LPCAT3: variants seen among roughly 807,000 people sequenced by gnomAD.
LPCAT3 encodes the protein lysophosphatidylcholine acyltransferase 3.
Under a neutral mutation model 63.4 loss-of-function variants are expected in LPCAT3, and 21 were observed. The observed-to-expected ratio is 0.33, with a 90% CI of 0.23 to 0.48. The LOEUF is 0.48. LPCAT3 is among the 20% of genes least tolerant of loss of function. The pLI is 0.99. For synonymous variants in LPCAT3, 242 were observed against 227.5 expected (o/e 1.06, Z -0.58); for missense variants, 451 against 590.6 (o/e 0.76, Z 2.45).
intron 1 of LPCAT3, among the ~76,000 whole-genome samples, chr12:6,995,458 A>G (rs1946628413): frequency 6.6e-6 from 1 of 150,412 alleles, no homozygotes; most frequent in Non-Finnish European, 1.5e-5. Context: ...TGGGCAACAG[A>G]GCCAGACTCC....
chr12:6,977,689 G>A lies in LPCAT3; in HGVS notation c.1097C>T (p.Ser366Leu), dbSNP rs781872400. 5 of 1,614,228 alleles carry A rather than the reference G, an allele frequency of 3.1e-6. No individual in the cohort carries two copies. The African/African-American group carries it at 5.3e-5, about 17-fold the overall frequency. Reference protein sequence around the residue: ...LGNKELSQGLSLLFLALWHGL... With the variant: ...LGNKELSQGLLLLFLALWHGL... Reference sequence around the variant, plus strand: ...GTGCCAGAGGGCCAGGAATAGCAACGAGAGACCCTGAGAGAGTTCTTTATT... The same window carrying A: ...GTGCCAGAGGGCCAGGAATAGCAACAAGAGACCCTGAGAGAGTTCTTTATT... Residue 366 changes from serine (S) to leucine (L), a missense_variant, in exon 10 of 13, where the codon TCG becomes TTG. This residue lies in a region of LPCAT3 where 304 missense variants were observed against 390.8 expected (regional missense o/e 0.78). Transcript: ENST00000261407. The surrounding 1 kb of genome is among the most constrained non-coding windows in gnomAD (Gnocchi z 4.5).
chr12:7,004,985 T>C (rs781972797), intron 1 of LPCAT3, among the ~76,000 whole-genome samples: 79 of 152,320 alleles, frequency 5.2e-4, no homozygotes, highest in African/African-American at 1.9e-3. Context: ...TGGATTTTAG[T>C]ATATTCAGTG....
chr12:7,002,227 T>A (rs1355725955), intron 1 of LPCAT3, among the ~76,000 whole-genome samples: 1 of 152,208 alleles, frequency 6.6e-6, no homozygotes, highest in Non-Finnish European at 1.5e-5. Flanking sequence ...CTTACCCTTA[T>A]ATACACTTGA....
intron 1 of LPCAT3, among the ~76,000 whole-genome samples, chr12:7,000,052 T>C (rs1555156387): frequency 2.0e-5 from 3 of 151,236 alleles, no homozygotes; most frequent in Non-Finnish European, 4.4e-5. Flanking sequence ...CCCAAGTAGC[T>C]GGGACTACAG....
chr12:6,979,279 G>A (rs782347362), intron 7 of LPCAT3, 192 bp downstream of exon 7: 34 of 596,098 alleles, frequency 5.7e-5, no homozygotes, highest in Non-Finnish European at 7.2e-5. Context: ...CCCTGTGCCC[G>A]CGAAGGTTGT....
intron 1 of LPCAT3, among the ~76,000 whole-genome samples, chr12:6,989,313 GTTTT>G (rs113013257): frequency 7.9e-6 from 1 of 126,458 alleles, no homozygotes; most frequent in Non-Finnish European, 1.7e-5. Flanking sequence ...CAAAATGCGT[GTTTT>G]TTTTTTTTTT....
At chr12:7,011,583 C>T (rs1236182463) in intron 1 of LPCAT3, among the ~76,000 whole-genome samples, 2 of 145,620 alleles carry the variant, frequency 1.4e-5, no homozygotes, top group South Asian at 2.1e-4. Flanking sequence ...GGGAAGCAGA[C>T]GTTGCAGTGA....
chr12:6,979,836 C>A (rs1228491780), intron 6 of LPCAT3: 1 of 480,318 alleles, frequency 2.1e-6, no homozygotes, highest in South Asian at 2.8e-5. Flanking sequence ...TGTGTTTACC[C>A]CTCAGGGATG....
intron 1 of LPCAT3, among the ~76,000 whole-genome samples, chr12:6,993,741 T>C (rs1356208781): frequency 6.6e-6 from 1 of 152,240 alleles, no homozygotes; most frequent in Non-Finnish European, 1.5e-5. Flanking sequence ...GGCTGAATAA[T>C]ATCCCGTTGT....
chr12:6,985,584 G>T (rs781942960), intron 1 of LPCAT3, among the ~76,000 whole-genome samples: 1 of 150,864 alleles, frequency 6.6e-6, no homozygotes, highest in Non-Finnish European at 1.5e-5. Flanking sequence ...GTGTGGTGGC[G>T]GGTGCCTGTA....
intron 1 of LPCAT3, among the ~76,000 whole-genome samples, chr12:6,989,718 C>T (rs1220655697): frequency 2.0e-5 from 3 of 152,182 alleles, no homozygotes; most frequent in African/African-American, 7.2e-5. Context: ...GGACTTCACT[C>T]AGTTCCAAGT....
At chr12:7,000,081 G>A (rs1021350703) in intron 1 of LPCAT3, among the ~76,000 whole-genome samples, 7 of 151,450 alleles carry the variant, frequency 4.6e-5, no homozygotes, top group Non-Finnish European at 8.8e-5. Context: ...CACCATGCCT[G>A]GCTAATTTTT....
chr12:6,990,596 G>A (rs1946579862), intron 1 of LPCAT3, among the ~76,000 whole-genome samples: 1 of 151,338 alleles, frequency 6.6e-6, no homozygotes, highest in Non-Finnish European at 1.5e-5. Context: ...TTGTTAATGT[G>A]GGAACTATAT....
At chr12:6,979,262 G>A in intron 7 of LPCAT3, 4 of 581,390 alleles carry the variant, frequency 6.9e-6, no homozygotes, top group Non-Finnish European at 1.2e-5. Flanking sequence ...ATGTGCACCT[G>A]GCACAGCCCT....
intron 1 of LPCAT3, among the ~76,000 whole-genome samples, chr12:7,013,386 C>CG (rs1445599741): frequency 6.6e-6 from 1 of 152,158 alleles, no homozygotes; most frequent in Non-Finnish European, 1.5e-5. Flanking sequence ...GGCACAGGAT[C>CG]GGATCACTCT....
intron 1 of LPCAT3, among the ~76,000 whole-genome samples, chr12:7,016,299 CAG>C (rs1483548220): frequency 6.8e-6 from 1 of 147,838 alleles, no homozygotes; most frequent in Non-Finnish European, 1.5e-5. Flanking sequence ...TTTTTGGAGA[CAG>C]AGTCTTGCTC....
In LPCAT3 at chr12:6,979,525, G is replaced by A; in HGVS notation, c.732C>T (p.Tyr244=). 6.2e-7 allele frequency: 1 copy of A among 1,614,144 alleles called. No homozygotes were observed. The highest frequency in any genetic ancestry group is 1.1e-5 in the South Asian group (1 of 91,090). The change falls in exon 7 of 13, where the codon TAC becomes TAT. Residue 244 remains tyrosine (Y), a synonymous_variant. Transcript: ENST00000261407. ...CTGTGATGTGGGGGCTGAGCAGTGT[G>A]TAGCCCACTAGGTAGAAAAGGCCCA... ...LSLGLFYLVG[Y]TLLSPHITED... is the part of the protein sequence containing the mutation.
Position 6,978,283 on chromosome 12 carries a change from A to G in LPCAT3, c.1040+58T>C. On this transcript the variant is annotated intron_variant, in intron 9 of 12. Coordinates refer to ENST00000261407, the MANE Select transcript of LPCAT3 (RefSeq NM_005768.6). ...TGACATGGTACACCCCTGCCCTCCA[A>G]TCTGGGAAGACAGTGGAAGGAAGGA... The G allele has an allele frequency of 3.2e-6, 5 of 1,553,058 alleles. No homozygotes were observed. The South Asian group carries it at 4.9e-5, about 15-fold the overall frequency.
Position 7,017,794 on chromosome 12 carries a change from C to T in LPCAT3, c.151+480G>A, listed in dbSNP as rs893893776. On this transcript the variant is annotated intron_variant, in intron 1 of 12. Coordinates refer to ENST00000261407, the MANE Select transcript of LPCAT3 (RefSeq NM_005768.6). The surrounding 1 kb of genome is among the most constrained non-coding windows in gnomAD (Gnocchi z 4.1). Reference sequence around the variant, plus strand: ...AAAAGAGACGAAAGTATAATATAAGCTGGCAATAAGCAAAACAGGCGCTCA... The same window carrying T: ...AAAAGAGACGAAAGTATAATATAAGTTGGCAATAAGCAAAACAGGCGCTCA... Among the ~76,000 whole-genome samples, 6 of 152,096 alleles carry T rather than the reference C, an allele frequency of 3.9e-5. No homozygotes were observed. The highest frequency in any genetic ancestry group is 1.4e-4 in the African/African-American group (6 of 41,418).
Sources: allele counts gnomAD v4.1 joint callset (sites outside exome capture counted in the v4.1 genomes callset), GRCh38; gene constraint gnomAD v4.1.1; regional missense constraint gnomAD v4.1.1; non-coding constraint Gnocchi (gnomAD v3.1); transcripts MANE v1.5; gene names NCBI Gene and HGNC (gene_info 2026-07-23, HGNC 2026-07-21).